Variants in KIF2A observed in about 807,000 individuals in gnomAD.
KIF2A encodes kinesin family member 2A, also known as kinesin-like protein KIF2A.
A neutral mutation model predicts 100.2 loss-of-function variants in KIF2A; 22 were observed. That is an observed-to-expected ratio of 0.22 (90% CI 0.16 to 0.31). The LOEUF (loss-of-function observed/expected upper bound fraction) is 0.31, where lower values mean the gene tolerates loss of function less well. Among genes scored for constraint, KIF2A ranks in the 10% least tolerant of loss-of-function variants. The probability of loss-of-function intolerance (pLI) is 1.00; values close to 1 mark genes in which losing one functional copy is unlikely to be tolerated. For missense variants in KIF2A, 495 were observed against 898.7 expected (o/e 0.55, Z 5.74); for synonymous variants, 268 against 285.9 (o/e 0.94, Z 0.63).
intron 16 of KIF2A, among the ~76,000 whole-genome samples, chr5:62,370,871 G>C (rs1429050793): frequency 6.6e-6 from 1 of 152,098 alleles, no homozygotes; most frequent in Non-Finnish European, 1.5e-5. Context: ...GAGGGCTTTG[G>C]ATAGAGGAAA....
intron 1 of KIF2A, among the ~76,000 whole-genome samples, chr5:62,342,721 G>C (rs552625872): frequency 6.6e-6 from 1 of 151,786 alleles, no homozygotes; most frequent in East Asian, 1.9e-4. Context: ...CTGCATCATG[G>C]TCTGAAAGTT....
chr5:62,370,110 G>C (rs1291032437), intron 16 of KIF2A, among the ~76,000 whole-genome samples: 3 of 152,148 alleles, frequency 2.0e-5, no homozygotes, highest in African/African-American at 7.2e-5. Flanking sequence ...TTAGTGAGCA[G>C]TTCTGTCTAA....
chr5:62,354,710 T>C (rs1240884793), intron 6 of KIF2A, among the ~76,000 whole-genome samples: 1 of 152,158 alleles, frequency 6.6e-6, no homozygotes, highest in Non-Finnish European at 1.5e-5. Flanking sequence ...AATCTGTATT[T>C]ATACTTTGCT....
chr5:62,361,568 T>C (rs756714509), intron 11 of KIF2A, 39 bp downstream of exon 11: 16 of 1,141,476 alleles, frequency 1.4e-5, no homozygotes, highest in Admixed American at 1.8e-5. Context: ...AATATTCTTC[T>C]GTGGTATTAT....
rs184637716 is a variant in KIF2A, at chr5:62,317,189, C to T, written c.64+10653C>T. Reference sequence around the variant, plus strand: ...TCAGCCTCCCAAGTAGCTGGGATTACAGGCATGCGCCACCGTGCCCAGCTA... The same window carrying T: ...TCAGCCTCCCAAGTAGCTGGGATTATAGGCATGCGCCACCGTGCCCAGCTA... On this transcript the variant is annotated intron_variant, in intron 1 of 20. Coordinates refer to ENST00000407818, the MANE Select transcript of KIF2A (RefSeq NM_001098511.3). Among the ~76,000 whole-genome samples, 18 of 152,144 alleles carry T rather than the reference C, an allele frequency of 1.2e-4. No individual in the cohort carries two copies. The East Asian group carries it at 3.5e-3, about 29-fold the overall frequency.
At chr5:62,379,858 G>C (rs1741701488) in intron 19 of KIF2A, among the ~76,000 whole-genome samples, 1 of 152,120 alleles carries the variant, frequency 6.6e-6, no homozygotes, top group Non-Finnish European at 1.5e-5. Context: ...GAGCTTTTAT[G>C]TCCAAATAGC....
At chr5:62,311,551 A>G (rs1475494011) in intron 1 of KIF2A, among the ~76,000 whole-genome samples, 2 of 152,186 alleles carry the variant, frequency 1.3e-5, no homozygotes, top group Non-Finnish European at 2.9e-5. Context: ...TCTTTAGAAA[A>G]GATTTTAAAT....
rs550001393 is a variant in KIF2A at position 62,328,583 on chromosome 5, C to G, written c.65-18547C>G. On this transcript the variant is annotated intron_variant, in intron 1 of 20. Transcript: ENST00000407818. ...CTCGGCTCAGTGCAACCACTGCCTC[C>G]GGGGTTCAAGTGATTCTCCTGCCTC... 2.0e-5 allele frequency among the ~76,000 whole-genome samples: 3 copies of G among 152,108 alleles called. No individual in the cohort carries two copies. The East Asian group carries it at 5.8e-4, about 29-fold the overall frequency.
chr5:62,379,873 T>C (rs2112003625), intron 19 of KIF2A, among the ~76,000 whole-genome samples: 1 of 152,314 alleles, frequency 6.6e-6, no homozygotes. Flanking sequence ...AATAGCTCTT[T>C]AATTCAGAAA....
chr5:62,378,476 T>C (rs1741639361), intron 19 of KIF2A, among the ~76,000 whole-genome samples: 2 of 152,200 alleles, frequency 1.3e-5, no homozygotes, highest in African/African-American at 4.8e-5. Flanking sequence ...CTGCCTCCCT[T>C]GTTGACTTGT....
At chr5:62,311,159 C>T (rs1745536472) in intron 1 of KIF2A, among the ~76,000 whole-genome samples, 1 of 152,154 alleles carries the variant, frequency 6.6e-6, no homozygotes, top group African/African-American at 2.4e-5. Flanking sequence ...TAGATTCATA[C>T]AACTTGTCAA....
intron 16 of KIF2A, among the ~76,000 whole-genome samples, chr5:62,372,120 T>G (rs1374263706): frequency 2.0e-5 from 3 of 152,100 alleles, no homozygotes; most frequent in Non-Finnish European, 4.4e-5. Context: ...ATGAAGAAAT[T>G]AGATTGAGTG....
intron 20 of KIF2A, among the ~76,000 whole-genome samples, chr5:62,382,155 A>G (rs1001877845): frequency 6.6e-6 from 1 of 152,190 alleles, no homozygotes; most frequent in Non-Finnish European, 1.5e-5. Context: ...TAATTTTTTT[A>G]AGGAGGCCCT....
At chr5:62,327,939 A>G (rs565091383) in intron 1 of KIF2A, among the ~76,000 whole-genome samples, 88 of 152,326 alleles carry the variant, frequency 5.8e-4, no homozygotes, top group Middle Eastern at 3.4e-3. Flanking sequence ...AGAAGATGCT[A>G]TGTACATGTA....
chr5:62,354,240 G>A (rs1747990015), intron 6 of KIF2A, among the ~76,000 whole-genome samples: 2 of 152,198 alleles, frequency 1.3e-5, no homozygotes, highest in South Asian at 4.1e-4. Context: ...TAGCATAGAT[G>A]CCACCTGGTG....
rs1561283155 is a variant in KIF2A, at chr5:62,381,240, A to T, written c.2136A>T (p.Leu712Phe). The change falls in exon 20 of 21, where the codon TTA becomes TTT. Residue 712 changes from leucine (L) to phenylalanine (F), a missense_variant. Transcript: ENST00000407818. ...TTCTTGAGCAAAAAATAGACATTTT[A>T]ACTGAACTGCGGGGTAATTCTTTTT... ...EAILEQKIDI[L>F]TELRDKVKSF... The T allele has an allele frequency of 1.2e-6, 2 of 1,612,548 alleles. No homozygotes were observed. The highest frequency in any genetic ancestry group is 2.7e-5 in the African/African-American group (2 of 74,894).
At chr5:62,337,113 C>T (rs542401302) in intron 1 of KIF2A, among the ~76,000 whole-genome samples, 45 of 152,296 alleles carry the variant, frequency 3.0e-4, no homozygotes, top group African/African-American at 9.9e-4. Flanking sequence ...CTACCAAATA[C>T]TCAAGAGTTG....
intron 12 of KIF2A, among the ~76,000 whole-genome samples, 155 bp downstream of exon 12, chr5:62,362,696 T>C (rs1462737755): frequency 6.6e-6 from 1 of 152,232 alleles, no homozygotes; most frequent in Non-Finnish European, 1.5e-5. Context: ...AACTTTTATA[T>C]TAGAATTTAT....
chr5:62,328,358 A>C (rs1299613708), intron 1 of KIF2A, among the ~76,000 whole-genome samples: 1 of 151,782 alleles, frequency 6.6e-6, no homozygotes, highest in African/African-American at 2.4e-5. Flanking sequence ...TTCAGCTAGA[A>C]TTGTAATCAT....
Sources: allele counts gnomAD v4.1 joint callset (sites outside exome capture counted in the v4.1 genomes callset), GRCh38; gene constraint gnomAD v4.1.1; transcripts MANE v1.5; gene names NCBI Gene and HGNC (gene_info 2026-07-23, HGNC 2026-07-21).